Variants in TATDN2 observed in about 807,000 individuals in gnomAD.
TATDN2 encodes the protein 3'-5' RNA nuclease TATDN2.
In TATDN2, 44 loss-of-function variants were observed where a neutral mutation model predicts 60.3. The observed-to-expected ratio is 0.73, with a 90% CI of 0.57 to 0.94. The LOEUF (loss-of-function observed/expected upper bound fraction) is 0.94, where lower values mean the gene tolerates loss of function less well. Ranked by LOEUF, TATDN2 falls within the 40% of genes least tolerant of loss-of-function variation. TATDN2 has a pLI of 0.00. For synonymous variants in TATDN2, 399 were observed against 355.8 expected, an observed-to-expected ratio of 1.12 and a Z score of -1.37; for missense variants, 997 against 948.0, an observed-to-expected ratio of 1.05 and a Z score of -0.68.
At chr3:10,259,764 A>G (rs1217874441) in intron 2 of TATDN2, among the ~76,000 whole-genome samples, 3 of 152,028 alleles carry the variant, frequency 2.0e-5, no homozygotes, top group Admixed American at 2.0e-4. Context: ...TTACCCTTAG[A>G]TATGGGATTG....
chr3:10,278,467 G>T lies in TATDN2; in HGVS notation c.2145+5G>T. 1 of 1,608,984 alleles carries T rather than the reference G, an allele frequency of 6.2e-7. No individual in the cohort carries two copies. The highest frequency in any genetic ancestry group is 1.7e-4 in the Middle Eastern group (1 of 6,036). The stretch of plus-strand genomic sequence containing the variant: ...CCCTATTTCCTCCCTCGCCAGGTAA[G>T]GGGGTCTTCAGGCTGAGTGGAGGCA... On this transcript the variant is annotated splice_donor_5th_base_variant and intron_variant, in intron 6 of 7. Coordinates refer to ENST00000448281, the MANE Select transcript of TATDN2 (RefSeq NM_014760.4). This position sits in a 1 kb window ranked among gnomAD's most constrained non-coding sequence, Gnocchi z 4.7.
Position 10,260,554 on chromosome 3 carries a change from G to A in TATDN2, c.832G>A (p.Asp278Asn), listed in dbSNP as rs1408224376. The A allele has an allele frequency of 3.1e-6, 5 of 1,614,062 alleles. No individual in the cohort carries two copies. The highest frequency in any genetic ancestry group is 4.2e-6 in the Non-Finnish European group (5 of 1,180,044). ...CTTCTATGACAGGAGAGTAGTTATA[G>A]ACCCTCAAGAGAAACCCAGTGAGGA... is the stretch of plus-strand genomic sequence containing the variant. ...SSFYDRRVVIDPQEKPSEEPL... is the reference protein window; with the variant it reads ...SSFYDRRVVINPQEKPSEEPL... The change falls in exon 3 of 8, where the codon GAC (aspartate) becomes AAC (asparagine). Residue 278 changes from aspartate to asparagine, a missense_variant. Asp to Asn is a conservative substitution (Grantham distance 23). Transcript: ENST00000448281.
chr3:10,254,467 T>G (rs1229561111), intron 2 of TATDN2, among the ~76,000 whole-genome samples: 1 of 152,180 alleles, frequency 6.6e-6, no homozygotes, highest in African/African-American at 2.4e-5. Context: ...CTGCGTTCCC[T>G]GGACACTTGC....
In TATDN2 at chr3:10,278,220, A is replaced by G; in HGVS notation, c.1962-59A>G. ...GAAAAGGGGTGATGGGTGTGGGGGG[A>G]GCTGGGGGCTGCTGCAGAGGGGACT... On this transcript the variant is annotated intron_variant, in intron 5 of 7. Transcript: ENST00000448281. This position sits in a 1 kb window ranked among gnomAD's most constrained non-coding sequence, Gnocchi z 4.7. 1.3e-6 allele frequency: 2 copies of G among 1,551,588 alleles called. No individual in the cohort carries two copies. Among genetic ancestry groups the G allele is most frequent in the East Asian group, 2.3e-5 (1 of 44,062 alleles).
At chr3:10,250,181 T>TC (rs1480840792) in intron 2 of TATDN2, among the ~76,000 whole-genome samples, 1 of 149,908 alleles carries the variant, frequency 6.7e-6, no homozygotes, top group East Asian at 1.9e-4. Context: ...TTTTTTTTTT[T>TC]TCTTTTTTTT....
intron 2 of TATDN2, among the ~76,000 whole-genome samples, chr3:10,257,749 C>T (rs978763893): frequency 1.3e-5 from 2 of 149,648 alleles, no homozygotes; most frequent in African/African-American, 4.9e-5. Context: ...CTTTCCTATT[C>T]ATCTTCGTGA....
At chr3:10,251,124 T>C (rs1698228093) in intron 2 of TATDN2, among the ~76,000 whole-genome samples, 1 of 152,024 alleles carries the variant, frequency 6.6e-6, no homozygotes, top group Non-Finnish European at 1.5e-5. Context: ...AATTTAATGG[T>C]TTCAGTAGAA....
rs762223690 is a variant in TATDN2, at chr3:10,278,936, G to A, written c.2197G>A (p.Val733Ile). 3.7e-6 allele frequency: 6 copies of A among 1,613,552 alleles called. No homozygotes were observed. The South Asian group carries it at 5.5e-5, about 15-fold the overall frequency. ...YAHPGLALHT[V>I]REIARVKDQP... ...CCACCCGGGCCTGGCCTTGCATACG[G>A]TCCGAGAGATTGCCAGAGTCAAAGA... The change falls in exon 7 of 8, where the codon GTC becomes ATC. Residue 733 changes from valine to isoleucine, a missense_variant. Coordinates refer to ENST00000448281, the MANE Select transcript of TATDN2 (RefSeq NM_014760.4). The surrounding 1 kb of genome is among the most constrained non-coding windows in gnomAD (Gnocchi z 4.7).
At chr3:10,252,097 G>A (rs1238790470) in intron 2 of TATDN2, among the ~76,000 whole-genome samples, 1 of 141,722 alleles carries the variant, frequency 7.1e-6, no homozygotes, top group Non-Finnish European at 1.5e-5. Flanking sequence ...GCAGTGAACC[G>A]AGATCAAGGC....
At chr3:10,258,698 G>C (rs1010238713) in intron 2 of TATDN2, among the ~76,000 whole-genome samples, 2 of 151,830 alleles carry the variant, frequency 1.3e-5, no homozygotes, top group Admixed American at 1.3e-4. Flanking sequence ...TCGAACTCCT[G>C]ATGTCAGGTG....
rs762086154 is a variant in TATDN2, at chr3:10,278,336, C to A, written c.2019C>A (p.Asn673Lys). ...AGCCCCTGCTGAAGTACTTTCCCAA[C>A]ATGTCTGTGGGCTTCACGGCAGTGC... ...VIEPLLKYFPNMSVGFTAVLT... is the reference protein window; with the variant it reads ...VIEPLLKYFPKMSVGFTAVLT... Residue 673 changes from asparagine to lysine, a missense_variant, in exon 6 of 8, where the codon AAC (asparagine) becomes AAA (lysine). Asn to Lys is a moderately conservative substitution (Grantham distance 94). Transcript: ENST00000448281. The surrounding 1 kb of genome is among the most constrained non-coding windows in gnomAD (Gnocchi z 4.7). 32 of 1,614,076 alleles carry A rather than the reference C, an allele frequency of 2.0e-5. No homozygotes were observed. The highest frequency in any genetic ancestry group is 2.7e-5 in the Non-Finnish European group (32 of 1,180,038).
At chr3:10,273,014 A>AGT (rs1469281839) in intron 4 of TATDN2, among the ~76,000 whole-genome samples, 1 of 152,140 alleles carries the variant, frequency 6.6e-6, no homozygotes, top group Non-Finnish European at 1.5e-5. Context: ...TGGGTGACAG[A>AGT]GTGAGACCCT....
chr3:10,265,044 GTTTT>G (rs747922225), intron 3 of TATDN2, among the ~76,000 whole-genome samples: 1 of 109,746 alleles, frequency 9.1e-6, no homozygotes, highest in African/African-American at 3.4e-5. Context: ...CCTGTGCGTG[GTTTT>G]TTTTTTTTTT....
intron 2 of TATDN2, among the ~76,000 whole-genome samples, chr3:10,257,476 A>G (rs554651978): frequency 1.3e-5 from 2 of 151,304 alleles, no homozygotes; most frequent in East Asian, 3.9e-4. Flanking sequence ...TAAAAATACA[A>G]AAATTAGCCA....
chr3:10,272,005 C>CA (rs1698573673), intron 4 of TATDN2, among the ~76,000 whole-genome samples: 1 of 152,230 alleles, frequency 6.6e-6, no homozygotes, highest in African/African-American at 2.4e-5. Flanking sequence ...GCTGGGATTA[C>CA]AGACCTGAGC....
Position 10,249,226 on chromosome 3 carries a change from A to G in TATDN2, c.26A>G (p.Lys9Arg). Residue 9 changes from lysine (K) to arginine (R), a missense_variant, in exon 2 of 8, where the codon AAG becomes AGG. Transcript: ENST00000448281. ...ATGGCGTCCGAGCGGGGCAAGGTCA[A>G]GCACAACTGGAGCAGCACGTCGGAA... is the stretch of plus-strand genomic sequence containing the variant. MASERGKV[K>R]HNWSSTSEGC... 2 of 1,539,042 alleles carry G rather than the reference A, an allele frequency of 1.3e-6. No homozygotes were observed. The highest frequency in any genetic ancestry group is 2.5e-5 in the South Asian group (2 of 80,020).
At chr3:10,275,783 C>T (rs943276475) in intron 4 of TATDN2, among the ~76,000 whole-genome samples, 1 of 141,202 alleles carries the variant, frequency 7.1e-6, no homozygotes, top group Non-Finnish European at 1.6e-5. Flanking sequence ...AAAAACAAAG[C>T]AAGTTGTAGA....
intron 2 of TATDN2, among the ~76,000 whole-genome samples, chr3:10,254,999 CT>C (rs1698285102): frequency 8.4e-6 from 1 of 118,732 alleles, no homozygotes; most frequent in African/African-American, 4.6e-5. Context: ...CCCCTTCCTC[CT>C]TCCCACTTCC....
chr3:10,266,126 C>T (rs1379552964), intron 3 of TATDN2, among the ~76,000 whole-genome samples: 1 of 152,090 alleles, frequency 6.6e-6, no homozygotes, highest in Non-Finnish European at 1.5e-5. Context: ...GTGTGCTTTC[C>T]CCTTGTAGGT....
Sources: allele counts gnomAD v4.1 joint callset (sites outside exome capture counted in the v4.1 genomes callset), GRCh38; gene constraint gnomAD v4.1.1; non-coding constraint Gnocchi (gnomAD v3.1); transcripts MANE v1.5; gene names NCBI Gene and HGNC (gene_info 2026-07-23, HGNC 2026-07-21).